Variants in TMEM217B observed in about 807,000 individuals in gnomAD.
The protein encoded by TMEM217B is putative transmembrane protein 217B.
At chr6:37,237,484 G>A in the TMEM217B span, among the ~76,000 whole-genome samples, 1 of 152,228 alleles carries the variant, frequency 6.6e-6, no homozygotes, top group Non-Finnish European at 1.5e-5. Context: ...ATTATTGCAA[G>A]TCTTGCAGAA....
At chr6:37,216,404 C>T in the TMEM217B span, among the ~76,000 whole-genome samples, 5 of 152,108 alleles carry the variant, frequency 3.3e-5, no homozygotes, top group Non-Finnish European at 7.4e-5. Context: ...AAAAATCTTT[C>T]TTGCTGCTGT....
chr6:37,241,017 G>A, the TMEM217B span, among the ~76,000 whole-genome samples: 2 of 151,084 alleles, frequency 1.3e-5, no homozygotes, highest in Non-Finnish European at 1.5e-5. Context: ...TGCAAGTTAT[G>A]TCTTTACTTA....
At chr6:37,237,868 C>T in the TMEM217B span, among the ~76,000 whole-genome samples, 3 of 152,070 alleles carry the variant, frequency 2.0e-5, no homozygotes, top group Admixed American at 1.3e-4. Context: ...CAAGAAAACT[C>T]TAAAACTGTA....
chr6:37,217,588 C>T, the TMEM217B span: 8 of 973,384 alleles, frequency 8.2e-6, no homozygotes, highest in East Asian at 6.9e-4. Context: ...GTGCCTTTCA[C>T]ACTCCTTGAC....
At chr6:37,245,902 C>A in the TMEM217B span, among the ~76,000 whole-genome samples, 3 of 152,004 alleles carry the variant, frequency 2.0e-5, no homozygotes, top group Admixed American at 6.5e-5. Context: ...CGGGTTCAAG[C>A]GATTCTCCTG....
chr6:37,240,567 C>T, the TMEM217B span, among the ~76,000 whole-genome samples: 1 of 152,102 alleles, frequency 6.6e-6, no homozygotes, highest in Non-Finnish European at 1.5e-5. Context: ...TCCATCACTT[C>T]AGCTATTTAA....
the TMEM217B span, chr6:37,218,963 A>G: frequency 5.0e-6 from 8 of 1,614,208 alleles, no homozygotes; most frequent in East Asian, 2.2e-5. Flanking sequence ...TACGGCCATG[A>G]TGGTGAAGAC....
the TMEM217B span, among the ~76,000 whole-genome samples, chr6:37,229,339 T>TTTTTG: frequency 8.2e-6 from 1 of 122,188 alleles, no homozygotes; most frequent in Non-Finnish European, 1.7e-5. Flanking sequence ...CTTTCAGTTT[T>TTTTTG]TTTTTTTTTT....
the TMEM217B span, among the ~76,000 whole-genome samples, chr6:37,228,561 A>G: frequency 4.6e-5 from 7 of 152,198 alleles, no homozygotes; most frequent in Admixed American, 1.3e-4. Context: ...AAAATTAGCC[A>G]GACGTGGTGG....
the TMEM217B span, among the ~76,000 whole-genome samples, chr6:37,224,827 A>G: frequency 6.6e-6 from 1 of 152,132 alleles, no homozygotes; most frequent in African/African-American, 2.4e-5. Flanking sequence ...AAAACCAAGC[A>G]AAATTTAAGA....
At chr6:37,250,837 C>A in the TMEM217B span, among the ~76,000 whole-genome samples, 2 of 152,236 alleles carry the variant, frequency 1.3e-5, no homozygotes, top group Admixed American at 6.5e-5. Flanking sequence ...AGGTCCCAAC[C>A]TTTAAGTTTA....
the TMEM217B span, among the ~76,000 whole-genome samples, chr6:37,238,451 T>C: frequency 6.6e-6 from 1 of 152,346 alleles, no homozygotes; most frequent in Non-Finnish European, 1.5e-5. Context: ...AGAAGTCTGC[T>C]TTCTCTCAGG....
At chr6:37,236,752 C>G in the TMEM217B span, among the ~76,000 whole-genome samples, 1 of 151,994 alleles carries the variant, frequency 6.6e-6, no homozygotes, top group East Asian at 1.9e-4. Context: ...TGAATGGATT[C>G]TGTGGGTGAG....
At chr6:37,233,774 C>A in the TMEM217B span, among the ~76,000 whole-genome samples, 3 of 152,106 alleles carry the variant, frequency 2.0e-5, no homozygotes, top group African/African-American at 7.2e-5. Context: ...CGCTAACTAA[C>A]GAAGTTACTA....
the TMEM217B span, among the ~76,000 whole-genome samples, chr6:37,244,135 T>G: frequency 6.6e-6 from 1 of 152,250 alleles, no homozygotes; most frequent in Admixed American, 6.5e-5. Flanking sequence ...TGGACTTTTA[T>G]TAGTTTTACA....
At chr6:37,221,185 G>A in the TMEM217B span, among the ~76,000 whole-genome samples, 1 of 151,468 alleles carries the variant, frequency 6.6e-6, no homozygotes, top group East Asian at 1.9e-4. Context: ...TCATGTAAGT[G>A]GAGTCTTTTT....
chr6:37,233,223 A>T, the TMEM217B span, among the ~76,000 whole-genome samples: 1 of 146,266 alleles, frequency 6.8e-6, no homozygotes, highest in African/African-American at 2.6e-5. Context: ...CCATTTCCCC[A>T]TGTACCTTCC....
the TMEM217B span, chr6:37,215,342 T>C: frequency 6.4e-7 from 1 of 1,568,952 alleles, no homozygotes; most frequent in Non-Finnish European, 8.6e-7. Context: ...AAAGAAAACT[T>C]GAGGCAGGCG....
At chr6:37,220,079 T>C in the TMEM217B span, among the ~76,000 whole-genome samples, 1 of 152,026 alleles carries the variant, frequency 6.6e-6, no homozygotes, top group Non-Finnish European at 1.5e-5. Context: ...ATAAGAACTA[T>C]ACAAAAGTAG....
Sources: allele counts gnomAD v4.1 joint callset (sites outside exome capture counted in the v4.1 genomes callset), GRCh38; gene constraint gnomAD v4.1.1; transcripts MANE v1.5; gene names NCBI Gene and HGNC (gene_info 2026-07-23, HGNC 2026-07-21).